The following M1AP variants were observed in gnomAD, a reference collection of about 807,000 sequenced individuals.
M1AP encodes meiosis 1 arrest protein.
Under a neutral mutation model 51.2 loss-of-function variants are expected in M1AP, and 39 were observed. The ratio of observed to expected loss-of-function variants is 0.76; its 90% confidence interval spans 0.59 to 1.00. M1AP has a LOEUF of 1.00. M1AP is among the 50% of genes least tolerant of loss of function. The probability of loss-of-function intolerance (pLI) is 0.00; values close to 1 mark genes in which losing one functional copy is unlikely to be tolerated. For missense variants in M1AP, 545 were observed against 641.2 expected, an observed-to-expected ratio of 0.85 and a Z score of 1.62; for synonymous variants, 251 against 249.2, an observed-to-expected ratio of 1.01 and a Z score of -0.07.
chr2:74,645,043 C>G (rs1413376801), intron 1 of M1AP, among the ~76,000 whole-genome samples: 1 of 152,192 alleles, frequency 6.6e-6, no homozygotes, highest in Non-Finnish European at 1.5e-5. Context: ...CTTGCCGCTG[C>G]TCACTTTTTG....
At chr2:74,613,113 A>T (rs1681465305) in intron 3 of M1AP, among the ~76,000 whole-genome samples, 3 of 151,972 alleles carry the variant, frequency 2.0e-5, no homozygotes, top group Non-Finnish European at 4.4e-5. Flanking sequence ...AATGTTTTTG[A>T]TCTCTAGCAC....
At chr2:74,646,097 C>G (rs1166153890) in intron 1 of M1AP, among the ~76,000 whole-genome samples, 1 of 152,152 alleles carries the variant, frequency 6.6e-6, no homozygotes, top group East Asian at 1.9e-4. Context: ...ATCAGTGCAT[C>G]ATGATCAGTA....
intron 3 of M1AP, among the ~76,000 whole-genome samples, chr2:74,614,489 A>G (rs1378192890): frequency 6.6e-6 from 1 of 152,154 alleles, no homozygotes; most frequent in Non-Finnish European, 1.5e-5. Context: ...GCCCTTATTT[A>G]TATTTTTAAG....
intron 2 of M1AP, among the ~76,000 whole-genome samples, chr2:74,629,542 G>A (rs1050043678): frequency 6.6e-6 from 1 of 152,116 alleles, no homozygotes; most frequent in Admixed American, 6.5e-5. Flanking sequence ...CATGAGGTCA[G>A]GAGTTTGAGA....
chr2:74,627,591 C>T (rs1004210519), intron 2 of M1AP, among the ~76,000 whole-genome samples: 2 of 152,076 alleles, frequency 1.3e-5, no homozygotes, highest in Non-Finnish European at 2.9e-5. Context: ...GAAGAGCTTT[C>T]AGGAAGTTCT....
Position 74,617,115 on chromosome 2 carries a change from C to A in M1AP, c.241-1966G>T, listed in dbSNP as rs185133975. Among the ~76,000 whole-genome samples, 521 of 152,314 alleles carry A rather than the reference C, an allele frequency of 3.4e-3. 5 individuals are homozygous for A. The highest frequency in any genetic ancestry group is 0.012 in the African/African-American group (496 of 41,554). ...GTATTTTAAAAGACTAAATGTGATA[C>A]CCTACAAGGCATTTTGATGTCACAA... On this transcript the variant is annotated intron_variant, in intron 2 of 10. Transcript: ENST00000421985.
intron 1 of M1AP, 84 bp downstream of exon 1, chr2:74,648,181 C>G (rs1012165549): frequency 3.1e-6 from 3 of 960,354 alleles, no homozygotes; most frequent in African/African-American, 3.5e-5. Context: ...CTGGCCCGAG[C>G]TCGGCCCACG....
intron 2 of M1AP, among the ~76,000 whole-genome samples, chr2:74,617,379 C>T (rs1681729065): frequency 1.3e-5 from 2 of 152,286 alleles, no homozygotes; most frequent in Admixed American, 6.5e-5. Context: ...ATTGTGATGA[C>T]ATATTACTAT....
intron 5 of M1AP, 65 bp from the exon 6 acceptor site, chr2:74,576,683 T>C (rs1679096183): frequency 6.4e-7 from 1 of 1,562,946 alleles, no homozygotes; most frequent in South Asian, 1.1e-5. Flanking sequence ...GGGTAATAAG[T>C]TACCTTAGGC....
chr2:74,566,001 G>A (rs1039711675), intron 7 of M1AP, among the ~76,000 whole-genome samples: 2 of 152,202 alleles, frequency 1.3e-5, no homozygotes, highest in African/African-American at 2.4e-5. Flanking sequence ...TGGTGAAAGA[G>A]TGGATTCTCT....
chr2:74,627,238 C>A (rs1270501899), intron 2 of M1AP, among the ~76,000 whole-genome samples: 3 of 151,982 alleles, frequency 2.0e-5, no homozygotes, highest in Non-Finnish European at 4.4e-5. Context: ...ATTTATTGTT[C>A]ATTTCATTCA....
chr2:74,621,797 A>C (rs1327875546), intron 2 of M1AP, among the ~76,000 whole-genome samples: 2 of 146,360 alleles, frequency 1.4e-5, no homozygotes, highest in South Asian at 4.4e-4. Context: ...CGTCTCAAAA[A>C]ACAAACAAAC....
At chr2:74,621,327 T>G (rs1027542560) in intron 2 of M1AP, among the ~76,000 whole-genome samples, 6 of 151,226 alleles carry the variant, frequency 4.0e-5, no homozygotes, top group Admixed American at 6.6e-5. Context: ...AGCAGCACTT[T>G]CCCAGCTGGC....
chr2:74,599,052 C>T (rs546924041), intron 4 of M1AP, among the ~76,000 whole-genome samples: 4 of 152,044 alleles, frequency 2.6e-5, no homozygotes, highest in East Asian at 3.9e-4. Flanking sequence ...CCGAGGTGGG[C>T]GGATCACCTG....
chr2:74,635,295 A>G (rs1682921853), intron 2 of M1AP, among the ~76,000 whole-genome samples: 1 of 152,006 alleles, frequency 6.6e-6, no homozygotes, highest in African/African-American at 2.4e-5. Flanking sequence ...TTCTCTTATT[A>G]TCCTTTGGAA....
Position 74,614,979 on chromosome 2 carries a change from G to C in M1AP, c.411C>G (p.Thr137=), listed in dbSNP as rs367736636. ...CATCACTTACCTCCAGGGAGGTATA[G>C]GTCAGAGCTGCCCTTGTGGTCACAT... ...SRHVTTRAAL[T]YTSLEITILT... Residue 137 remains threonine (T), a synonymous_variant, in exon 3 of 11, where the codon ACC becomes ACG. Transcript: ENST00000421985. 2.0e-5 allele frequency: 33 copies of C among 1,614,004 alleles called. No homozygotes were observed. The Admixed American group carries it at 5.5e-4, about 27-fold the overall frequency.
At chr2:74,592,482 C>G (rs1325519007) in intron 4 of M1AP, among the ~76,000 whole-genome samples, 1 of 151,896 alleles carries the variant, frequency 6.6e-6, no homozygotes, top group Non-Finnish European at 1.5e-5. Context: ...CCATTTTTCT[C>G]TAGTGTTTTT....
chr2:74,594,806 G>T (rs1680236237), intron 4 of M1AP, among the ~76,000 whole-genome samples: 1 of 152,152 alleles, frequency 6.6e-6, no homozygotes. Context: ...GAGCCCAGGA[G>T]GTAGAGAGGC....
At chr2:74,597,519 G>T (rs1294500239) in intron 4 of M1AP, among the ~76,000 whole-genome samples, 1 of 151,098 alleles carries the variant, frequency 6.6e-6, no homozygotes, top group East Asian at 2.0e-4. Flanking sequence ...AGGAAGCAAT[G>T]AATCTTTATC....
Sources: gnomAD v4.1 joint callset for allele counts (sites outside exome capture counted in the v4.1 genomes callset) on GRCh38, gnomAD v4.1.1 for gene constraint, MANE v1.5 for transcripts, NCBI Gene and HGNC (gene_info 2026-07-23, HGNC 2026-07-21) for gene names.